Variants in NRXN1 observed in about 807,000 individuals in gnomAD.
NRXN1 encodes neurexin-1.
Under a neutral mutation model 150.9 loss-of-function variants are expected in NRXN1, and 39 were observed. That is an observed-to-expected ratio of 0.26 (90% CI 0.20 to 0.34). NRXN1 has a LOEUF of 0.34. Ranked by LOEUF, NRXN1 falls within the 10% of genes least tolerant of loss-of-function variation. The probability of loss-of-function intolerance (pLI) is 1.00; values close to 1 mark genes in which losing one functional copy is unlikely to be tolerated. For missense variants in NRXN1, 1,815 were observed against 1,949.9 expected (o/e 0.93, Z 1.30); for synonymous variants, 924 against 757.0 (o/e 1.22, Z -3.62).
At chr2:50,915,406 T>C (rs1685075861) in intron 5 of NRXN1, among the ~76,000 whole-genome samples, 2 of 151,548 alleles carry the variant, frequency 1.3e-5, no homozygotes, top group African/African-American at 4.8e-5. Context: ...ACCAATAAAT[T>C]TGCATCTGAA....
chr2:50,812,951 G>GA (rs1329711664), intron 5 of NRXN1, among the ~76,000 whole-genome samples: 1 of 152,000 alleles, frequency 6.6e-6, no homozygotes. Context: ...GTTTTGAATT[G>GA]AAAAATAAAA....
At position 51,028,012 on chromosome 2, in the gene NRXN1, G is replaced by C. The variant is rs748684256; in HGVS notation, c.262C>G (p.Arg88Gly). ...FLELILTRGG[R>G]LQLSFSIFCA... ...AAGATGGAGAAGCTGAGCTGCAGGC[G>C]GCCGCCGCGCGTCAGAATCAGCTCC... is the stretch of plus-strand genomic sequence containing the variant. Residue 88 changes from arginine to glycine, a missense_variant, in exon 2 of 23, where the codon CGC (arginine) becomes GGC (glycine). Around this residue, in one of 6 missense-constraint regions of NRXN1, gnomAD observed 554 missense variants for 478.8 expected, o/e 1.16. Coordinates refer to ENST00000401669, the MANE Select transcript of NRXN1 (RefSeq NM_001330078.2). 21 of 1,599,410 alleles carry C rather than the reference G, an allele frequency of 1.3e-5. No homozygotes were observed. Among genetic ancestry groups the C allele is most frequent in the Non-Finnish European group, 1.8e-5 (21 of 1,177,838 alleles).
intron 9 of NRXN1, among the ~76,000 whole-genome samples, chr2:50,544,350 A>G (rs188535841): frequency 0.026 from 4,031 of 152,190 alleles, 76 homozygotes; most frequent in Middle Eastern, 0.12. Context: ...ATTTGGTGAC[A>G]GTGTAATTAT....
At chr2:50,729,686 A>G (rs537831976) in intron 5 of NRXN1, among the ~76,000 whole-genome samples, 2 of 152,290 alleles carry the variant, frequency 1.3e-5, no homozygotes, top group African/African-American at 2.4e-5. Context: ...TCACCCTCTC[A>G]GCACAAAGAA....
At chr2:50,410,143 C>T (rs1163120606) in intron 17 of NRXN1, among the ~76,000 whole-genome samples, 1 of 152,054 alleles carries the variant, frequency 6.6e-6, no homozygotes, top group Admixed American at 6.5e-5. Flanking sequence ...CTCGACAATC[C>T]TATTCTCCAA....
In NRXN1 at chr2:50,979,794, C is replaced by T. The variant is rs1213542766; in HGVS notation, c.772+47708G>A. ...AGCAACCAACACCATTCAATATATT[C>T]ATTTATATTTCCCTAAGTTTCTTCA... On this transcript the variant is annotated intron_variant, in intron 2 of 22. Transcript: ENST00000401669. Among the ~76,000 whole-genome samples the T allele has an allele frequency of 3.3e-5, 5 of 152,072 alleles. No homozygotes were observed. The East Asian group carries it at 7.7e-4, about 23-fold the overall frequency.
At chr2:50,420,934 G>C (rs1455531588) in intron 17 of NRXN1, among the ~76,000 whole-genome samples, 1 of 149,820 alleles carries the variant, frequency 6.7e-6, no homozygotes, top group Non-Finnish European at 1.5e-5. Context: ...AGATGCATCT[G>C]GTCCTGGTCA....
intron 5 of NRXN1, among the ~76,000 whole-genome samples, chr2:50,877,574 C>A (rs1057386532): frequency 2.6e-5 from 4 of 151,936 alleles, no homozygotes; most frequent in Non-Finnish European, 4.4e-5. Context: ...AAGTTATATA[C>A]TTTAATTGTT....
At chr2:50,519,988 G>C (rs2092740918) in intron 12 of NRXN1, among the ~76,000 whole-genome samples, 1 of 151,908 alleles carries the variant, frequency 6.6e-6, no homozygotes, top group Admixed American at 6.6e-5. Context: ...ATGTTTACAA[G>C]ATGTTGCTAA....
At chr2:50,596,651 A>C (rs1356111616) in intron 8 of NRXN1, among the ~76,000 whole-genome samples, 2 of 152,130 alleles carry the variant, frequency 1.3e-5, no homozygotes, top group Admixed American at 6.5e-5. Context: ...CCAGGTCAAA[A>C]CTACGAAAAG....
At chr2:50,514,980 G>A (rs533690159) in intron 12 of NRXN1, among the ~76,000 whole-genome samples, 92 of 151,968 alleles carry the variant, frequency 6.1e-4, no homozygotes, top group East Asian at 2.3e-3. Flanking sequence ...CTTTAAGCCC[G>A]GGCTCCCCAC....
intron 18 of NRXN1, among the ~76,000 whole-genome samples, chr2:50,122,303 T>C (rs2152738083): frequency 6.6e-6 from 1 of 152,360 alleles, no homozygotes; most frequent in Middle Eastern, 3.4e-3. Flanking sequence ...GGCTGAAAGA[T>C]GTCTTTTCAG....
chr2:50,130,967 C>T (rs972311914), intron 18 of NRXN1, among the ~76,000 whole-genome samples: 3 of 152,126 alleles, frequency 2.0e-5, no homozygotes, highest in African/African-American at 7.2e-5. Flanking sequence ...TTTGCATGAA[C>T]ATGGCCTAAT....
intron 18 of NRXN1, among the ~76,000 whole-genome samples, chr2:50,123,054 A>G (rs1396460689): frequency 6.6e-6 from 1 of 152,196 alleles, no homozygotes; most frequent in Non-Finnish European, 1.5e-5. Context: ...ATGTAATTAC[A>G]TTTATTTCAA....
At chr2:50,407,002 C>T (rs1044267676) in intron 17 of NRXN1, among the ~76,000 whole-genome samples, 1 of 152,166 alleles carries the variant, frequency 6.6e-6, no homozygotes, top group Non-Finnish European at 1.5e-5. Flanking sequence ...CTATATCCAT[C>T]ACCTCTGAGG....
intron 17 of NRXN1, among the ~76,000 whole-genome samples, chr2:50,354,578 T>C (rs1328600402): frequency 7.0e-6 from 1 of 143,870 alleles, no homozygotes; most frequent in Non-Finnish European, 1.5e-5. Flanking sequence ...TATATATATA[T>C]ATATATATAC....
intron 5 of NRXN1, among the ~76,000 whole-genome samples, chr2:50,658,849 A>G (rs534398164): frequency 1.5e-4 from 23 of 152,152 alleles, no homozygotes; most frequent in African/African-American, 5.1e-4. Flanking sequence ...TTAGAGTTGT[A>G]TAAGCTTCCT....
rs372495931 is a variant in NRXN1, at chr2:49,930,059, G to C, written c.4217-7808C>G. On this transcript the variant is annotated intron_variant, in intron 22 of 22. Coordinates refer to ENST00000401669, the MANE Select transcript of NRXN1 (RefSeq NM_001330078.2). ...AGTAGAGAGTCGTCAAGTGAAAGTG[G>C]GTAGAGAAGTCTACGAAAAACATGT... Among the ~76,000 whole-genome samples the C allele has an allele frequency of 3.3e-5, 5 of 152,220 alleles. No individual in the cohort carries two copies. In the East Asian group the frequency reaches 7.7e-4, roughly 24 times the overall value.
At chr2:50,226,726 CA>C (rs1360350672) in intron 18 of NRXN1, among the ~76,000 whole-genome samples, 49 of 151,858 alleles carry the variant, frequency 3.2e-4, no homozygotes, top group Non-Finnish European at 6.9e-4. Flanking sequence ...TTCAAGATAC[CA>C]ATCTATAAAT....
Sources: allele counts gnomAD v4.1 joint callset (sites outside exome capture counted in the v4.1 genomes callset), GRCh38; gene constraint gnomAD v4.1.1; regional missense constraint gnomAD v4.1.1; transcripts MANE v1.5; gene names NCBI Gene and HGNC (gene_info 2026-07-23, HGNC 2026-07-21).